The following HTR4 variants were observed in gnomAD, a reference collection of about 807,000 sequenced individuals.
HTR4 encodes 5-hydroxytryptamine receptor 4.
Under a neutral mutation model 36.8 loss-of-function variants are expected in HTR4, and 16 were observed. The observed-to-expected ratio is 0.43, with a 90% confidence interval of 0.29 to 0.66. The LOEUF (loss-of-function observed/expected upper bound fraction) is 0.66. Ranked by LOEUF, HTR4 falls within the 30% of genes least tolerant of loss-of-function variation. HTR4 has a pLI of 0.13. For synonymous variants in HTR4, 189 were observed against 185.1 expected (o/e 1.02, Z -0.17); for missense variants, 438 against 490.9 (o/e 0.89, Z 1.02).
At chr5:148,507,381 G>A in intron 6 of HTR4, among the ~76,000 whole-genome samples, 1 of 111,880 alleles carries the variant, frequency 8.9e-6, no homozygotes, top group Non-Finnish European at 1.7e-5. Flanking sequence ...TCGTGGGGTG[G>A]GGGGAGGGGG....
intron 5 of HTR4, among the ~76,000 whole-genome samples, chr5:148,517,914 C>T (rs897669257): frequency 3.9e-5 from 6 of 152,154 alleles, no homozygotes; most frequent in African/African-American, 1.4e-4. Flanking sequence ...AAAAGTCCTA[C>T]ACGATCTTTC....
At chr5:148,621,905 A>C (rs1752932037) in intron 2 of HTR4, among the ~76,000 whole-genome samples, 1 of 152,162 alleles carries the variant, frequency 6.6e-6, no homozygotes, top group Non-Finnish European at 1.5e-5. Flanking sequence ...TCAATACTTC[A>C]TTCTGAGTTA....
At chr5:148,547,506 A>T (rs1759435880) in intron 4 of HTR4, among the ~76,000 whole-genome samples, 4 of 148,854 alleles carry the variant, frequency 2.7e-5, no homozygotes, top group Non-Finnish European at 5.9e-5. Flanking sequence ...GTGACAGAGC[A>T]AGACTTGGTC....
chr5:148,471,694 T>C (rs926815501), downstream of HTR4, among the ~76,000 whole-genome samples: 1 of 152,218 alleles, frequency 6.6e-6, no homozygotes, highest in Admixed American at 6.5e-5. Context: ...TATTGTTGTA[T>C]CCACCAATAC....
intron 2 of HTR4, among the ~76,000 whole-genome samples, chr5:148,568,329 ATTACC>A (rs552169268): frequency 1.3e-3 from 194 of 152,212 alleles, no homozygotes; most frequent in African/African-American, 4.4e-3. Flanking sequence ...TCTAGTTTAG[ATTACC>A]TTATCCCTTT....
chr5:148,572,462 A>G (rs554346807), intron 2 of HTR4, among the ~76,000 whole-genome samples: 12 of 152,232 alleles, frequency 7.9e-5, no homozygotes, highest in African/African-American at 2.9e-4. Context: ...TAATTTAATC[A>G]CCAGTGGCAT....
intron 4 of HTR4, among the ~76,000 whole-genome samples, chr5:148,528,936 A>C (rs1254142419): frequency 6.7e-6 from 1 of 149,732 alleles, no homozygotes; most frequent in African/African-American, 2.4e-5. Flanking sequence ...AGATTGGTGC[A>C]AAATAATCGT....
rs2113771408 is a variant in HTR4, at chr5:148,509,606, G to A, written c.926C>T (p.Pro309Leu). The A allele has an allele frequency of 6.2e-7, 1 of 1,614,066 alleles. No homozygotes were observed. The highest frequency in any genetic ancestry group is 8.5e-7 in the Non-Finnish European group (1 of 1,179,986). The change falls in exon 6 of 7, where the codon CCT (proline) becomes CTT (leucine). Residue 309 changes from proline (P) to leucine (L), a missense_variant. Transcript: ENST00000377888. ...WLGYINSGLNPFLYAFLNKSF... is the reference protein window; with the variant it reads ...WLGYINSGLNLFLYAFLNKSF... ...CTTATTCAAGAAGGCGTAGAGAAAAGGGTTCAACCCGGAATTGATATAGCC... is the reference window on the plus strand; with the variant it reads ...CTTATTCAAGAAGGCGTAGAGAAAAAGGTTCAACCCGGAATTGATATAGCC...
chr5:148,586,269 C>T (rs1761345180), intron 2 of HTR4, among the ~76,000 whole-genome samples: 1 of 152,024 alleles, frequency 6.6e-6, no homozygotes, highest in Admixed American at 6.6e-5. Flanking sequence ...CTCTAGAATT[C>T]TAGGCTCCTG....
chr5:148,496,870 CATGTTT>C lies in HTR4; in HGVS notation c.1076+12580_1076+12585del, dbSNP rs1178069651. 2.0e-5 allele frequency among the ~76,000 whole-genome samples: 3 copies of C among 152,312 alleles called. No homozygotes were observed. The East Asian group carries it at 5.8e-4, about 29-fold the overall frequency. The stretch of plus-strand genomic sequence containing the variant: ...TAGTGTATCCCTTGCTTCAGTGGTT[CATGTTT>C]ATATCTGCTGCATGCTGCCTTCTGC... On this transcript the variant is annotated intron_variant, in intron 6 of 6. Transcript: ENST00000377888.
chr5:148,456,190 G>C (rs1464836634), intron 5 of HTR4, among the ~76,000 whole-genome samples: 1 of 152,168 alleles, frequency 6.6e-6, no homozygotes. Context: ...CCCTGGGTTT[G>C]AGTATTCCCA....
intron 2 of HTR4, among the ~76,000 whole-genome samples, chr5:148,579,073 TAGG>T: frequency 6.6e-6 from 1 of 152,198 alleles, no homozygotes; most frequent in Non-Finnish European, 1.5e-5. Context: ...TGTTTTCTTA[TAGG>T]AGAATTTCTT....
At chr5:148,557,918 G>T (rs187924317) in intron 2 of HTR4, among the ~76,000 whole-genome samples, 11 of 151,368 alleles carry the variant, frequency 7.3e-5, no homozygotes, top group Non-Finnish European at 1.6e-4. Flanking sequence ...TTTATGTATC[G>T]AACTTTGCAA....
Position 148,654,301 on chromosome 5 carries a change from ATCG to A in HTR4, c.-290_-288del. 1 of 984,620 alleles carries A rather than the reference ATCG, an allele frequency of 1.0e-6. No individual in the cohort carries two copies. The highest frequency in any genetic ancestry group is 1.7e-5 in the African/African-American group (1 of 57,314). The allele number at this position is 984,620 out of a possible 1,614,324, so 61.0% of individuals were successfully genotyped here. ...CCCGGATCACCTGGGCTCGCCGCGC[ATCG>A]TCCTTCTCCCCAACCGAGCCGGACT... On this transcript the variant is annotated 5_prime_UTR_variant, in exon 1 of 7. It adds an upstream start codon to the 5' untranslated region. Transcript: ENST00000377888.
intron 5 of HTR4, among the ~76,000 whole-genome samples, chr5:148,464,928 G>A (rs543882100): frequency 6.6e-6 from 1 of 152,152 alleles, no homozygotes; most frequent in East Asian, 1.9e-4. Context: ...GAACAGACAT[G>A]GAGGAATCTT....
At chr5:148,546,720 C>A (rs909229099) in intron 4 of HTR4, among the ~76,000 whole-genome samples, 8 of 152,194 alleles carry the variant, frequency 5.3e-5, no homozygotes, top group Non-Finnish European at 1.2e-4. Context: ...CCCTATCACC[C>A]CTGCCTGGTC....
intron 2 of HTR4, among the ~76,000 whole-genome samples, chr5:148,605,366 C>G (rs1752114366): frequency 6.8e-6 from 1 of 147,672 alleles, no homozygotes; most frequent in Admixed American, 6.9e-5. Flanking sequence ...TCAAGCGATT[C>G]TCCTGCCTCA....
intron 5 of HTR4, among the ~76,000 whole-genome samples, chr5:148,518,492 A>G (rs1245359860): frequency 6.6e-6 from 1 of 152,164 alleles, no homozygotes; most frequent in Non-Finnish European, 1.5e-5. Context: ...ATCACTTGCC[A>G]GGATAATTGT....
chr5:148,624,106 A>G (rs1753008779), intron 2 of HTR4, among the ~76,000 whole-genome samples: 1 of 152,198 alleles, frequency 6.6e-6, no homozygotes, highest in Non-Finnish European at 1.5e-5. Context: ...TGGTTATCGT[A>G]GTAGAGACAG....
Sources: gnomAD v4.1 joint callset for allele counts (sites outside exome capture counted in the v4.1 genomes callset) on GRCh38, gnomAD v4.1.1 for gene constraint, MANE v1.5 for transcripts, NCBI Gene and HGNC (gene_info 2026-07-23, HGNC 2026-07-21) for gene names.